The following DAB1 variants were observed in gnomAD, a reference collection of about 807,000 sequenced individuals.
The protein encoded by DAB1 is disabled homolog 1.
DAB1 carries 15 observed loss-of-function variants against 64.6 expected under a neutral mutation model. The observed-to-expected ratio is 0.23, with a 90% CI of 0.16 to 0.36. The LOEUF (loss-of-function observed/expected upper bound fraction) is 0.36, where lower values mean the gene tolerates loss of function less well. DAB1 is among the 10% of genes least tolerant of loss of function. The pLI, the probability that DAB1 is intolerant of heterozygous loss-of-function variation, is 1.00. For synonymous variants in DAB1, 235 were observed against 251.9 expected (o/e 0.93, Z 0.64); for missense variants, 596 against 706.7 (o/e 0.84, Z 1.78).
intron 1 of DAB1, among the ~76,000 whole-genome samples, chr1:58,544,362 A>C (rs1156568290): frequency 6.6e-6 from 1 of 152,216 alleles, no homozygotes. Flanking sequence ...ATTTTAAAAA[A>C]CCCTCCCCAA....
At chr1:58,398,503 C>T (rs338921) in intron 3 of DAB1, among the ~76,000 whole-genome samples, 19,297 of 152,236 alleles carry the variant, frequency 0.13, 1,894 homozygotes, top group African/African-American at 0.28. Context: ...TCTGTTTTCA[C>T]ATCTGTACCC....
At chr1:57,496,925 C>G (rs1022783824) in intron 7 of DAB1, among the ~76,000 whole-genome samples, 1 of 152,170 alleles carries the variant, frequency 6.6e-6, no homozygotes, top group African/African-American at 2.4e-5. Context: ...TGGTGATATG[C>G]CCCTGCCCTC....
At chr1:57,143,881 A>G (rs1044898615) in intron 3 of DAB1, among the ~76,000 whole-genome samples, 9 of 151,366 alleles carry the variant, frequency 5.9e-5, no homozygotes, top group African/African-American at 2.2e-4. Flanking sequence ...TGACAAAGTC[A>G]TGTCTTCATG....
intron 6 of DAB1, among the ~76,000 whole-genome samples, chr1:57,671,451 C>T (rs1281589862): frequency 6.6e-6 from 1 of 152,008 alleles, no homozygotes; most frequent in African/African-American, 2.4e-5. Flanking sequence ...AGGAGTCAGA[C>T]TCAGTAAGAA....
At chr1:58,439,866 A>G (rs180688083) in intron 3 of DAB1, among the ~76,000 whole-genome samples, 1 of 152,326 alleles carries the variant, frequency 6.6e-6, no homozygotes, top group Non-Finnish European at 1.5e-5. Flanking sequence ...TTTCAGCCTC[A>G]TTAACCCACT....
chr1:58,452,201 T>A (rs1297394724), intron 3 of DAB1, among the ~76,000 whole-genome samples: 1 of 151,954 alleles, frequency 6.6e-6, no homozygotes, highest in Admixed American at 6.5e-5. Flanking sequence ...TCCAAAGTGC[T>A]AGGATTACAG....
intron 2 of DAB1, among the ~76,000 whole-genome samples, chr1:57,212,219 G>C (rs957661345): frequency 6.6e-6 from 1 of 152,022 alleles, no homozygotes; most frequent in Non-Finnish European, 1.5e-5. Flanking sequence ...CCTGTTTTAC[G>C]AATGACCAGA....
chr1:57,016,380 G>A (rs916635269), intron 11 of DAB1, among the ~76,000 whole-genome samples: 23 of 152,038 alleles, frequency 1.5e-4, no homozygotes, highest in African/African-American at 5.6e-4. Flanking sequence ...CTTGGAGTTT[G>A]AGACCAGCTT....
At chr1:57,310,573 G>A (rs531342929) in intron 1 of DAB1, among the ~76,000 whole-genome samples, 10 of 152,248 alleles carry the variant, frequency 6.6e-5, no homozygotes, top group Admixed American at 2.6e-4. Flanking sequence ...AGGGTTTTCC[G>A]GGCTGGCTTC....
At chr1:58,123,447 G>A (rs140501975) in intron 5 of DAB1, among the ~76,000 whole-genome samples, 7 of 152,226 alleles carry the variant, frequency 4.6e-5, no homozygotes, top group African/African-American at 1.4e-4. Context: ...TGGGGGCAGG[G>A]GTTGGAGGGA....
At chr1:57,707,106 A>C (rs947779063) in intron 6 of DAB1, among the ~76,000 whole-genome samples, 3 of 151,766 alleles carry the variant, frequency 2.0e-5, no homozygotes, top group Admixed American at 6.6e-5. Flanking sequence ...AAAACCCCCC[A>C]AAAAACAGAT....
At chr1:57,624,859 T>C (rs1179830235) in intron 7 of DAB1, among the ~76,000 whole-genome samples, 2 of 152,358 alleles carry the variant, frequency 1.3e-5, no homozygotes, top group South Asian at 2.1e-4. Context: ...AAGCAGCAAA[T>C]GCCTTCTTTC....
intron 7 of DAB1, among the ~76,000 whole-genome samples, chr1:57,481,740 C>G (rs1489887083): frequency 6.6e-6 from 1 of 151,610 alleles, no homozygotes; most frequent in Non-Finnish European, 1.5e-5. Flanking sequence ...TTGCTGGAAC[C>G]CAGAAGGCAG....
chr1:58,001,332 C>T (rs2100404669), intron 5 of DAB1, among the ~76,000 whole-genome samples: 1 of 152,194 alleles, frequency 6.6e-6, no homozygotes, highest in East Asian at 1.9e-4. Flanking sequence ...GGTTCAATCT[C>T]AGCTCACTGT....
intron 7 of DAB1, among the ~76,000 whole-genome samples, chr1:57,434,075 T>A (rs1001453987): frequency 1.8e-4 from 28 of 152,128 alleles, no homozygotes; most frequent in Admixed American, 2.0e-4. Context: ...GAAAATTACC[T>A]GGCACTTTCT....
chr1:57,548,644 A>G lies in DAB1; in HGVS notation n.625+100948T>C, dbSNP rs369639343. Among the ~76,000 whole-genome samples the G allele has an allele frequency of 1.4e-3, 211 of 152,310 alleles. 1 individual carries two copies. The highest frequency in any genetic ancestry group is 4.7e-3 in the African/African-American group (195 of 41,564). Reference sequence around the variant, plus strand: ...TATTTTCTCCTGAAAAGAATAGCACACAATCTTCCTTCCTTTGCAACTTAG... The same window carrying G: ...TATTTTCTCCTGAAAAGAATAGCACGCAATCTTCCTTCCTTTGCAACTTAG... On this transcript the variant is annotated intron_variant and non_coding_transcript_variant, in intron 7 of 20. Coordinates refer to the DAB1 transcript ENST00000485760.
At chr1:57,621,063 T>C (rs1645851741) in intron 7 of DAB1, among the ~76,000 whole-genome samples, 1 of 151,268 alleles carries the variant, frequency 6.6e-6, no homozygotes, top group Non-Finnish European at 1.5e-5. Flanking sequence ...AAGGTTAAGC[T>C]TGTGTGCCTG....
intron 5 of DAB1, among the ~76,000 whole-genome samples, chr1:58,107,897 G>A (rs956390593): frequency 9.9e-5 from 15 of 152,112 alleles, no homozygotes; most frequent in Non-Finnish European, 1.3e-4. Context: ...GATTACAGGT[G>A]TGAGCCACTG....
At chr1:57,105,518 A>T (rs1480611824) in intron 4 of DAB1, among the ~76,000 whole-genome samples, 1 of 152,102 alleles carries the variant, frequency 6.6e-6, no homozygotes, top group African/African-American at 2.4e-5. Flanking sequence ...CTGTATTTCA[A>T]TTAAAGCAAT....
Sources: gnomAD v4.1 joint callset for allele counts (sites outside exome capture counted in the v4.1 genomes callset) on GRCh38, gnomAD v4.1.1 for gene constraint, MANE v1.5 for transcripts, NCBI Gene and HGNC (gene_info 2026-07-23, HGNC 2026-07-21) for gene names.